ST13: variants seen among roughly 807,000 people sequenced by gnomAD.
ST13 encodes the protein ST13 Hsp70 interacting protein, also known as hsc70-interacting protein.
Under a neutral mutation model 56.7 loss-of-function variants are expected in ST13, and 23 were observed. That is an observed-to-expected ratio of 0.41 (90% confidence interval 0.29 to 0.57). The LOEUF is 0.57. ST13 is among the 20% of genes least tolerant of loss of function. ST13 has a pLI of 0.36. For missense variants in ST13, 369 were observed against 459.9 expected (o/e 0.80, Z 1.81); for synonymous variants, 132 against 142.4 (o/e 0.93, Z 0.52).
intron 1 of ST13, 83 bp from the exon 2 acceptor site, chr22:40,850,963 G>A (rs2057858424): frequency 3.1e-6 from 3 of 955,590 alleles, no homozygotes; most frequent in East Asian, 2.6e-5. Flanking sequence ...AAAAAATAAC[G>A]TTAGACATTT....
chr22:40,841,960 T>G (rs2057806786), intron 4 of ST13, among the ~76,000 whole-genome samples: 1 of 152,176 alleles, frequency 6.6e-6, no homozygotes, highest in Non-Finnish European at 1.5e-5. Context: ...AGAGAATGTA[T>G]GTGGTCTAAC....
chr22:40,826,250 T>C lies in ST13; in HGVS notation c.*288A>G. On this transcript the variant is annotated 3_prime_UTR_variant, in exon 12 of 12. Coordinates refer to ENST00000216218, the MANE Select transcript of ST13 (RefSeq NM_003932.5). ...CCAAAATGATTAGTAAAGAAAAATA[T>C]AAGAATTAACAGGCCCTTTAAATTT... 1 of 212,668 alleles carries C rather than the reference T, an allele frequency of 4.7e-6. No homozygotes were observed. Among genetic ancestry groups the C allele is most frequent in the Non-Finnish European group, 9.3e-6 (1 of 107,388 alleles). 13.2% of individuals were successfully genotyped at this position (212,668 alleles called of 1,614,324 possible).
intron 1 of ST13, among the ~76,000 whole-genome samples, chr22:40,854,143 T>G (rs2057876133): frequency 1.3e-5 from 2 of 152,208 alleles, no homozygotes; most frequent in African/African-American, 4.8e-5. Flanking sequence ...GTTTTCAACT[T>G]GAGTAACCCT....
rs750769103 is a variant in ST13, at chr22:40,856,571, G to A, written c.-31C>T. On this transcript the variant is annotated 5_prime_UTR_variant, in exon 1 of 12. Transcript: ENST00000216218. ...GGAGGTGGTGGGCGAAACTGGGGGG[G>A]CTACGGCCCGGTTCCAGGCCCAGGC... 7.0e-6 allele frequency: 11 copies of A among 1,581,872 alleles called. No homozygotes were observed. The highest frequency in any genetic ancestry group is 3.3e-5 in the South Asian group (3 of 90,426).
intron 10 of ST13, among the ~76,000 whole-genome samples, chr22:40,828,626 A>T (rs2057739990): frequency 6.6e-6 from 1 of 152,002 alleles, no homozygotes; most frequent in Non-Finnish European, 1.5e-5. Flanking sequence ...AATAAAAAAA[A>T]AAATAATATA....
chr22:40,839,115 C>T (rs1602655298), intron 5 of ST13, among the ~76,000 whole-genome samples: 1 of 151,920 alleles, frequency 6.6e-6, no homozygotes, highest in Middle Eastern at 3.4e-3. Context: ...AAACAGAAAG[C>T]AATAAAGGAA....
At chr22:40,835,923 A>G (rs775545602) in intron 5 of ST13, 36 bp from the exon 6 acceptor site, 1 of 1,492,486 alleles carries the variant, frequency 6.7e-7, no homozygotes, top group Non-Finnish European at 9.2e-7. Flanking sequence ...AAATATTCAG[A>G]GGATAAAAAT....
At chr22:40,849,641 T>A (rs1253688807) in intron 2 of ST13, among the ~76,000 whole-genome samples, 2 of 152,058 alleles carry the variant, frequency 1.3e-5, no homozygotes, top group African/African-American at 2.4e-5. Flanking sequence ...TTACAAAAAA[T>A]TTTCAGCTGA....
chr22:40,830,268 T>C (rs991035324), intron 9 of ST13, among the ~76,000 whole-genome samples: 1 of 152,190 alleles, frequency 6.6e-6, no homozygotes, highest in South Asian at 2.1e-4. Flanking sequence ...AATTAGAATG[T>C]AACATATTAT....
rs140335958 is a variant in ST13, at chr22:40,847,096, T to C, written c.244+1198A>G. On this transcript the variant is annotated intron_variant, in intron 3 of 11. Transcript: ENST00000216218. ...TCTGTGATATAAGAGACTTCCAAAT[T>C]CATGAAGAAATTTAGTCAATTTGTG... Among the ~76,000 whole-genome samples, 95 of 152,248 alleles carry C rather than the reference T, an allele frequency of 6.2e-4. 3 individuals carry two copies. The East Asian group carries it at 0.017, about 27-fold the overall frequency.
Position 40,832,598 on chromosome 22 carries a change from T to G in ST13, c.652A>C (p.Ser218Arg). ...ACKLDYDEDASAMLKEVQPRA... is the reference protein window; with the variant it reads ...ACKLDYDEDARAMLKEVQPRA... ...GGTTGAACTTCTTTCAGCATTGCAC[T>G]AGCATCTTCATCATAATCCAATTTA... Residue 218 changes from serine to arginine, a missense_variant, in exon 8 of 12, where the codon AGT becomes CGT. Ser to Arg is a moderately radical substitution (Grantham distance 110). This residue lies in a region of ST13 where 64 missense variants were observed against 125.1 expected (regional missense o/e 0.51). Transcript: ENST00000216218. 1 of 1,608,036 alleles carries G rather than the reference T, an allele frequency of 6.2e-7. No homozygotes were observed. The highest frequency in any genetic ancestry group is 1.3e-5 in the African/African-American group (1 of 74,996).
At chr22:40,845,919 A>G (rs1329595262) in intron 3 of ST13, among the ~76,000 whole-genome samples, 2 of 152,138 alleles carry the variant, frequency 1.3e-5, no homozygotes, top group East Asian at 3.9e-4. Context: ...ATGGTGTACA[A>G]TGCGATGTTT....
intron 4 of ST13, among the ~76,000 whole-genome samples, chr22:40,841,004 A>G (rs2057801815): frequency 6.6e-6 from 1 of 152,128 alleles, no homozygotes; most frequent in Non-Finnish European, 1.5e-5. Context: ...CTCCTCACAA[A>G]AAGATAACTA....
chr22:40,840,774 C>A, intron 4 of ST13, 82 bp from the exon 5 acceptor site: 1 of 1,094,830 alleles, frequency 9.1e-7, no homozygotes. Context: ...GGATGAGGCG[C>A]AGTCACAATA....
intron 7 of ST13, among the ~76,000 whole-genome samples, chr22:40,834,561 A>G (rs550708524): frequency 1.6e-4 from 25 of 152,342 alleles, no homozygotes; most frequent in Middle Eastern, 3.4e-3. Flanking sequence ...CATGATTTTT[A>G]AAATGTTTTT....
At chr22:40,833,246 C>A (rs1037919500) in intron 7 of ST13, among the ~76,000 whole-genome samples, 3 of 152,106 alleles carry the variant, frequency 2.0e-5, no homozygotes, top group Non-Finnish European at 4.4e-5. Flanking sequence ...GGAAATAAAG[C>A]AAATCCTAAA....
At chr22:40,853,290 G>GA (rs1218204722) in intron 1 of ST13, among the ~76,000 whole-genome samples, 1 of 151,704 alleles carries the variant, frequency 6.6e-6, no homozygotes, top group Admixed American at 6.6e-5. Context: ...AACTAGTTCA[G>GA]AAAAAATTCC....
intron 4 of ST13, 71 bp downstream of exon 4, chr22:40,844,768 A>G: frequency 1.5e-6 from 2 of 1,307,412 alleles, no homozygotes; most frequent in Non-Finnish European, 2.2e-6. Flanking sequence ...GAATCGTGTC[A>G]TAAAATCATT....
chr22:40,834,253 C>T, intron 7 of ST13, among the ~76,000 whole-genome samples: 1 of 152,136 alleles, frequency 6.6e-6, no homozygotes, highest in East Asian at 1.9e-4. Context: ...CCACTGCACT[C>T]CAGCCTGGGC....
Sources: allele counts gnomAD v4.1 joint callset (sites outside exome capture counted in the v4.1 genomes callset), GRCh38; gene constraint gnomAD v4.1.1; regional missense constraint gnomAD v4.1.1; transcripts MANE v1.5; gene names NCBI Gene and HGNC (gene_info 2026-07-23, HGNC 2026-07-21).